The following SIPA1L3 variants were observed in gnomAD, a reference collection of about 807,000 sequenced individuals.
SIPA1L3 encodes signal-induced proliferation-associated 1-like protein 3.
A neutral mutation model predicts 150.1 loss-of-function variants in SIPA1L3; 59 were observed. The ratio of observed to expected loss-of-function variants is 0.39; its 90% CI spans 0.32 to 0.49. SIPA1L3 has a LOEUF of 0.49. Ranked by LOEUF, SIPA1L3 falls within the 20% of genes least tolerant of loss-of-function variation. The pLI is 0.86. For synonymous variants in SIPA1L3, 1,070 were observed against 1,077.6 expected (o/e 0.99, Z 0.14); for missense variants, 2,211 against 2,489.5 (o/e 0.89, Z 2.38).
intron 1 of SIPA1L3, among the ~76,000 whole-genome samples, chr19:37,951,260 G>A (rs2046761381): frequency 6.6e-6 from 1 of 152,158 alleles, no homozygotes; most frequent in South Asian, 2.1e-4. Flanking sequence ...CATCTTGAGG[G>A]GTTACAAACA....
At chr19:38,144,157 G>GC (rs932059997) in intron 12 of SIPA1L3, among the ~76,000 whole-genome samples, 2 of 152,200 alleles carry the variant, frequency 1.3e-5, no homozygotes, top group South Asian at 2.1e-4. Flanking sequence ...GCAAGGCACT[G>GC]CCCCCCAATT....
At chr19:37,913,143 G>C (rs2046389876) in intron 1 of SIPA1L3, among the ~76,000 whole-genome samples, 1 of 152,224 alleles carries the variant, frequency 6.6e-6, no homozygotes, top group African/African-American at 2.4e-5. Context: ...AAATGGGTAT[G>C]ATAGTAGTCT....
At chr19:38,155,826 A>G (rs958818097) in intron 13 of SIPA1L3, among the ~76,000 whole-genome samples, 3 of 152,146 alleles carry the variant, frequency 2.0e-5, no homozygotes, top group African/African-American at 7.2e-5. Flanking sequence ...CACGCCTATA[A>G]TCCCAGCATT....
At chr19:37,913,596 A>G (rs1038780336) in intron 1 of SIPA1L3, among the ~76,000 whole-genome samples, 1 of 151,810 alleles carries the variant, frequency 6.6e-6, no homozygotes, top group East Asian at 2.0e-4. Context: ...GGGTTTTGCC[A>G]TGTTAGCCAG....
intron 4 of SIPA1L3, among the ~76,000 whole-genome samples, chr19:38,095,898 C>G (rs574926249): frequency 6.6e-5 from 10 of 152,182 alleles, no homozygotes; most frequent in African/African-American, 4.8e-5. Flanking sequence ...GCAGAGGGCA[C>G]TGTGGGACAG....
At chr19:38,110,176 G>A (rs373894415) in intron 7 of SIPA1L3, 51 bp from the exon 8 acceptor site, 68 of 1,590,682 alleles carry the variant, frequency 4.3e-5, no homozygotes, top group South Asian at 6.8e-5. Context: ...GGCAGGACCC[G>A]TCAGGCCGAC....
intron 2 of SIPA1L3, among the ~76,000 whole-genome samples, chr19:38,062,070 G>A (rs149515512): frequency 2.0e-5 from 3 of 151,876 alleles, no homozygotes; most frequent in Non-Finnish European, 4.4e-5. Flanking sequence ...TGTATCGCGT[G>A]CTTGCCATGT....
At chr19:38,134,314 G>A (rs1971382183) in intron 10 of SIPA1L3, among the ~76,000 whole-genome samples, 1 of 149,396 alleles carries the variant, frequency 6.7e-6, no homozygotes, top group Non-Finnish European at 1.5e-5. Context: ...AGGTGTGATG[G>A]CACATGCATG....
In SIPA1L3 at chr19:38,081,471, G is replaced by T; in HGVS notation, c.-95G>T. On this transcript the variant is annotated 5_prime_UTR_variant, in exon 3 of 22. Coordinates refer to ENST00000222345, the MANE Select transcript of SIPA1L3 (RefSeq NM_015073.3). ...TCAGGGCCCAGCATCCTTCATCCTG[G>T]GCCTGGCTGCCCTGAACAATGGCTG... is the stretch of plus-strand genomic sequence containing the variant. 8.1e-7 allele frequency: 1 copy of T among 1,231,476 alleles called. No homozygotes were observed. 76.3% of individuals were successfully genotyped at this position (1,231,476 alleles called of 1,614,324 possible).
At chr19:38,121,950 G>A (rs1971031605) in intron 9 of SIPA1L3, among the ~76,000 whole-genome samples, 1 of 152,060 alleles carries the variant, frequency 6.6e-6, no homozygotes, top group African/African-American at 2.4e-5. Flanking sequence ...GCCAGGCGCG[G>A]TGGCTCACAC....
intron 1 of SIPA1L3, among the ~76,000 whole-genome samples, chr19:37,984,715 G>A (rs753087314): frequency 1.1e-4 from 17 of 152,168 alleles, no homozygotes; most frequent in Non-Finnish European, 1.5e-4. Context: ...TGTTAGCTGC[G>A]TTACTGTTGG....
chr19:38,014,026 C>T (rs1388811816), intron 1 of SIPA1L3, among the ~76,000 whole-genome samples: 1 of 152,242 alleles, frequency 6.6e-6, no homozygotes, highest in Non-Finnish European at 1.5e-5. Context: ...TTCTCTTCCA[C>T]GTCACATGGC....
At chr19:38,075,811 T>C (rs1461893370) in intron 2 of SIPA1L3, among the ~76,000 whole-genome samples, 1 of 149,622 alleles carries the variant, frequency 6.7e-6, no homozygotes, top group East Asian at 2.0e-4. Context: ...GAAAAGATCT[T>C]GCAGGTGAAC....
At chr19:38,020,262 G>C (rs1968343459) in intron 1 of SIPA1L3, among the ~76,000 whole-genome samples, 1 of 152,160 alleles carries the variant, frequency 6.6e-6, no homozygotes, top group Non-Finnish European at 1.5e-5. Context: ...GAGGCACAGA[G>C]AGGGTAAGTC....
chr19:38,195,597 C>T (rs1049278807), intron 18 of SIPA1L3, among the ~76,000 whole-genome samples: 1 of 152,222 alleles, frequency 6.6e-6, no homozygotes, highest in Non-Finnish European at 1.5e-5. Context: ...AGTAGATGTT[C>T]AGTCACTGCA....
intron 1 of SIPA1L3, among the ~76,000 whole-genome samples, chr19:37,994,497 C>T (rs924072055): frequency 2.6e-5 from 4 of 152,120 alleles, no homozygotes; most frequent in Non-Finnish European, 5.9e-5. Context: ...TTGCCTCTCT[C>T]CTCCTTGGCT....
intron 2 of SIPA1L3, among the ~76,000 whole-genome samples, chr19:38,038,909 A>C (rs1397108357): frequency 1.3e-5 from 2 of 152,134 alleles, no homozygotes; most frequent in Non-Finnish European, 2.9e-5. Flanking sequence ...TTGGAGACAC[A>C]GTCTCACTTT....
intron 1 of SIPA1L3, among the ~76,000 whole-genome samples, chr19:38,010,996 T>G (rs972956119): frequency 6.6e-6 from 1 of 152,222 alleles, no homozygotes. Context: ...GTTTGTTTCT[T>G]TATTCACTGA....
chr19:37,909,293 C>T lies in SIPA1L3; in HGVS notation c.-379+1935C>T, dbSNP rs572411869. On this transcript the variant is annotated intron_variant, in intron 1 of 21. Coordinates refer to ENST00000222345, the MANE Select transcript of SIPA1L3 (RefSeq NM_015073.3). ...CACAATCTCAGCTCACTGAAGCCTC[C>T]GTCTCCCGGGTTCAAGCAATTCTCC... 4.6e-5 allele frequency among the ~76,000 whole-genome samples: 7 copies of T among 152,230 alleles called. No homozygotes were observed. The South Asian group carries it at 6.2e-4, about 14-fold the overall frequency.
Sources: gnomAD v4.1 joint callset for allele counts (sites outside exome capture counted in the v4.1 genomes callset) on GRCh38, gnomAD v4.1.1 for gene constraint, MANE v1.5 for transcripts, NCBI Gene and HGNC (gene_info 2026-07-23, HGNC 2026-07-21) for gene names.